The following NBEAL1 variants were observed in gnomAD, a reference collection of about 807,000 sequenced individuals.
NBEAL1 encodes the protein neurobeachin like 1.
A neutral mutation model predicts 351.3 loss-of-function variants in NBEAL1; 273 were observed. That is an observed-to-expected ratio of 0.78 (90% CI 0.70 to 0.86). The LOEUF is 0.86. Ranked by LOEUF, NBEAL1 falls within the 40% of genes least tolerant of loss-of-function variation. NBEAL1 has a pLI of 0.00. For synonymous variants in NBEAL1, 1,050 were observed against 1,086.4 expected, an observed-to-expected ratio of 0.97 and a Z score of 0.66; for missense variants, 2,961 against 3,201.3, an observed-to-expected ratio of 0.92 and a Z score of 1.81.
At chr2:203,048,890 T>G (rs1410092629) in intron 3 of NBEAL1, among the ~76,000 whole-genome samples, 5 of 152,102 alleles carry the variant, frequency 3.3e-5, no homozygotes, top group African/African-American at 9.7e-5. Flanking sequence ...TCCTTTTTTT[T>G]TTTTTTTAAT....
At chr2:203,210,076 T>TG (rs1042092122) in intron 53 of NBEAL1, among the ~76,000 whole-genome samples, 1 of 152,050 alleles carries the variant, frequency 6.6e-6, no homozygotes, top group African/African-American at 2.4e-5. Flanking sequence ...TTAAGAGTTT[T>TG]GGGGGGCCGC....
At position 203,108,189 on chromosome 2, in the gene NBEAL1, G is replaced by A. The variant is rs1406531591; in HGVS notation, c.1949+1G>A. 1 of 1,534,696 alleles carries A rather than the reference G, an allele frequency of 6.5e-7. No individual in the cohort carries two copies. The highest frequency in any genetic ancestry group is 2.0e-5 in the Admixed American group (1 of 49,132). ...GAGGGAAAAGGAAACAATTGTACAGGTATTGGTAAAAATTATGGAATATAA... is the reference window on the plus strand; with the variant it reads ...GAGGGAAAAGGAAACAATTGTACAGATATTGGTAAAAATTATGGAATATAA... On this transcript the variant is annotated splice_donor_variant, in intron 14 of 55. Coordinates refer to ENST00000683969, the MANE Select transcript of NBEAL1 (RefSeq NM_001378026.1). LOFTEE classifies it high-confidence loss of function.
In NBEAL1 at chr2:203,065,714, T is replaced by C. The variant is rs555606747; in HGVS notation, c.516-2679T>C. ...TTGCAGTGAGCCGAGATTGCGCCAC[T>C]GCACTCCAGCCTGGGCGACAGAGTG... On this transcript the variant is annotated intron_variant, in intron 6 of 55. Transcript: ENST00000683969. Among the ~76,000 whole-genome samples the C allele has an allele frequency of 2.0e-5, 3 of 151,390 alleles. No homozygotes were observed. In the East Asian group the frequency reaches 5.8e-4, roughly 29 times the overall value.
At chr2:203,080,575 G>GT (rs1015465752) in intron 8 of NBEAL1, among the ~76,000 whole-genome samples, 23 of 151,040 alleles carry the variant, frequency 1.5e-4, no homozygotes, top group Non-Finnish European at 2.7e-4. Context: ...CTTGTACCTT[G>GT]TTAGCCTCCA....
At chr2:203,128,262 CTTTTTTTTTTT>C (rs11355179) in intron 24 of NBEAL1, among the ~76,000 whole-genome samples, 1 of 94,936 alleles carries the variant, frequency 1.1e-5, no homozygotes, top group Non-Finnish European at 2.0e-5. Flanking sequence ...AATTTTTTGC[CTTTTTTTTTTT>C]TTTTTTTTTT....
At position 203,222,243 on chromosome 2, in the gene NBEAL1, T is replaced by C. The variant is rs2065960945; in HGVS notation, c.*4889T>C. Among the ~76,000 whole-genome samples the C allele has an allele frequency of 6.6e-6, 1 of 152,202 alleles. No homozygotes were observed. The highest frequency in any genetic ancestry group is 1.5e-5 in the Non-Finnish European group (1 of 68,038). On this transcript the variant is annotated 3_prime_UTR_variant, in exon 56 of 56. Transcript: ENST00000683969. Reference sequence around the variant, plus strand: ...CAGTTTCTAGGCCAGTGGTTCTTAATGGATATTACAGATCAGACTTCTCTG... The same window carrying C: ...CAGTTTCTAGGCCAGTGGTTCTTAACGGATATTACAGATCAGACTTCTCTG...
At chr2:203,061,144 C>T (rs2061492393) in intron 6 of NBEAL1, among the ~76,000 whole-genome samples, 1 of 152,226 alleles carries the variant, frequency 6.6e-6, no homozygotes, top group African/African-American at 2.4e-5. Context: ...GGCTTTGCCA[C>T]ATTTCTTAGA....
intron 10 of NBEAL1, among the ~76,000 whole-genome samples, chr2:203,091,306 G>A (rs2062060266): frequency 6.6e-6 from 1 of 152,132 alleles, no homozygotes; most frequent in South Asian, 2.1e-4. Context: ...CGTAGCATGT[G>A]TCAGAATTTC....
intron 18 of NBEAL1, among the ~76,000 whole-genome samples, chr2:203,121,527 C>G (rs778257760): frequency 7.3e-5 from 11 of 151,658 alleles, no homozygotes; most frequent in Non-Finnish European, 1.2e-4. Context: ...TGGCGCACCA[C>G]TGTAATCTCA....
intron 33 of NBEAL1, among the ~76,000 whole-genome samples, chr2:203,146,195 A>C (rs1040653296): frequency 6.6e-6 from 1 of 152,136 alleles, no homozygotes; most frequent in Non-Finnish European, 1.5e-5. Context: ...TAGTTCAAGA[A>C]TAAGTATATA....
intron 43 of NBEAL1, chr2:203,183,047 T>C (rs2064779086): frequency 6.8e-6 from 2 of 296,252 alleles, no homozygotes; most frequent in Non-Finnish European, 1.2e-5. Flanking sequence ...GTAGCTATAG[T>C]TTCCCCCACT....
At chr2:203,056,357 A>C (rs2061401294) in intron 4 of NBEAL1, 70 bp from the exon 5 acceptor site, 3 of 820,128 alleles carry the variant, frequency 3.7e-6, no homozygotes, top group Non-Finnish European at 6.2e-6. Context: ...TCATAATTCA[A>C]GCTGAATTCA....
intron 2 of NBEAL1, among the ~76,000 whole-genome samples, chr2:203,024,287 G>C (rs1041105573): frequency 6.6e-6 from 1 of 152,178 alleles, no homozygotes; most frequent in Non-Finnish European, 1.5e-5. Flanking sequence ...TCCGCATCTG[G>C]TGGTTCACAC....
chr2:203,090,066 GTTTAT>G (rs1402230155), intron 10 of NBEAL1, among the ~76,000 whole-genome samples: 51 of 152,070 alleles, frequency 3.4e-4, no homozygotes, highest in Non-Finnish European at 4.1e-4. Flanking sequence ...GCATATTGAA[GTTTAT>G]TTTATGACAT....
At chr2:203,104,243 A>G (rs1405480454) in intron 12 of NBEAL1, among the ~76,000 whole-genome samples, 1 of 152,116 alleles carries the variant, frequency 6.6e-6, no homozygotes, top group East Asian at 1.9e-4. Flanking sequence ...TTGAGTGTGT[A>G]TATATATTTA....
chr2:203,136,971 TGAG>T (rs1448804876), intron 29 of NBEAL1, among the ~76,000 whole-genome samples, 197 bp downstream of exon 29: 1 of 152,254 alleles, frequency 6.6e-6, no homozygotes, highest in Non-Finnish European at 1.5e-5. Context: ...CATTCCAGTA[TGAG>T]GAGGTTTAAG....
intron 15 of NBEAL1, among the ~76,000 whole-genome samples, chr2:203,110,858 C>T (rs1234678020): frequency 2.0e-5 from 3 of 148,982 alleles, no homozygotes; most frequent in Admixed American, 6.7e-5. Context: ...CTCTGCCTCC[C>T]GGGTTCAAGC....
At chr2:203,175,708 T>C (rs900486483) in intron 42 of NBEAL1, among the ~76,000 whole-genome samples, 12 of 152,212 alleles carry the variant, frequency 7.9e-5, no homozygotes, top group Non-Finnish European at 1.5e-4. Context: ...TTGATACCAC[T>C]GTATTTACAC....
At chr2:203,189,838 T>G (rs1014011655) in intron 45 of NBEAL1, among the ~76,000 whole-genome samples, 10 of 152,052 alleles carry the variant, frequency 6.6e-5, no homozygotes, top group African/African-American at 2.2e-4. Flanking sequence ...AATATTTTAT[T>G]GAAACTATAC....
Sources: allele counts gnomAD v4.1 joint callset (sites outside exome capture counted in the v4.1 genomes callset), GRCh38; gene constraint gnomAD v4.1.1; transcripts MANE v1.5; gene names NCBI Gene and HGNC (gene_info 2026-07-23, HGNC 2026-07-21).